Variants in SGCZ observed in about 807,000 individuals in gnomAD.
The protein encoded by SGCZ is sarcoglycan zeta, also known as zeta-sarcoglycan.
In SGCZ, 40 loss-of-function variants were observed where a neutral mutation model predicts 41.3. The ratio of observed to expected loss-of-function variants is 0.97; its 90% CI spans 0.75 to 1.26. The LOEUF (loss-of-function observed/expected upper bound fraction) is 1.26, where lower values mean the gene tolerates loss of function less well. SGCZ is among the 50% of genes most tolerant of loss of function. The probability of loss-of-function intolerance (pLI) is 0.00; values close to 1 mark genes in which losing one functional copy is unlikely to be tolerated. For missense variants in SGCZ, 552 were observed against 369.8 expected, an observed-to-expected ratio of 1.49 and a Z score of -4.04; for synonymous variants, 206 against 137.5, an observed-to-expected ratio of 1.50 and a Z score of -3.49.
chr8:14,457,348 G>C (rs1458413124), intron 2 of SGCZ, among the ~76,000 whole-genome samples: 1 of 152,198 alleles, frequency 6.6e-6, no homozygotes, highest in African/African-American at 2.4e-5. Flanking sequence ...CGTCTGGGAA[G>C]ATGCCTGTTA....
intron 2 of SGCZ, among the ~76,000 whole-genome samples, chr8:14,415,840 C>G (rs1298869618): frequency 6.6e-6 from 1 of 151,920 alleles, no homozygotes; most frequent in Non-Finnish European, 1.5e-5. Flanking sequence ...GCATTGAATA[C>G]ACATAACTTG....
intron 2 of SGCZ, among the ~76,000 whole-genome samples, chr8:14,335,465 C>T (rs1432254161): frequency 6.6e-6 from 1 of 152,032 alleles, no homozygotes; most frequent in Non-Finnish European, 1.5e-5. Context: ...CTGGTAATCA[C>T]CCATTTGGAA....
intron 1 of SGCZ, among the ~76,000 whole-genome samples, chr8:14,561,986 A>T (rs1011604520): frequency 6.6e-6 from 1 of 152,130 alleles, no homozygotes; most frequent in African/African-American, 2.4e-5. Flanking sequence ...GCATGTAGAC[A>T]ACAGAAGGGA....
intron 3 of SGCZ, among the ~76,000 whole-genome samples, chr8:14,248,484 C>A (rs1176867316): frequency 2.6e-5 from 4 of 151,584 alleles, no homozygotes; most frequent in African/African-American, 9.7e-5. Flanking sequence ...GGGAACTAAG[C>A]CTCTATTAAA....
At chr8:14,338,270 C>A (rs926405612) in intron 2 of SGCZ, among the ~76,000 whole-genome samples, 2 of 152,142 alleles carry the variant, frequency 1.3e-5, no homozygotes, top group African/African-American at 4.8e-5. Flanking sequence ...CTTCTGGTCT[C>A]ATTTCAATGA....
rs922521255 is a variant in SGCZ at position 14,781,611 on chromosome 8, C to G, written c.40-226685G>C. Among the ~76,000 whole-genome samples, 5 of 152,110 alleles carry G rather than the reference C, an allele frequency of 3.3e-5. 1 individual carries two copies. The highest frequency in any genetic ancestry group is 2.0e-4 in the Admixed American group (3 of 15,270). ...TAAAAATTGTTTGGGTTATTCTTAT[C>G]CATTCATTTCTAATAACATAATATA... is the stretch of plus-strand genomic sequence containing the variant. On this transcript the variant is annotated intron_variant, in intron 1 of 7. Coordinates refer to ENST00000382080, the MANE Select transcript of SGCZ (RefSeq NM_139167.4).
chr8:14,459,719 G>T lies in SGCZ; in HGVS notation c.234+95013C>A, dbSNP rs540700174. Among the ~76,000 whole-genome samples the T allele has an allele frequency of 3.7e-4, 56 of 152,244 alleles. No homozygotes were observed. In the South Asian group the frequency reaches 5.4e-3, roughly 15 times the overall value. On this transcript the variant is annotated intron_variant, in intron 2 of 7. Coordinates refer to ENST00000382080, the MANE Select transcript of SGCZ (RefSeq NM_139167.4). ...ACTAGTAATAAAACATGTATATTTT[G>T]TAAGTCCTAATATGATACACTGAAA...
chr8:14,328,618 A>G (rs1802205699), intron 2 of SGCZ, among the ~76,000 whole-genome samples: 1 of 152,098 alleles, frequency 6.6e-6, no homozygotes, highest in Admixed American at 6.6e-5. Context: ...TCTTATAAAA[A>G]CTCATGTTAT....
chr8:14,893,172 T>C (rs764394244), intron 1 of SGCZ, among the ~76,000 whole-genome samples: 1 of 151,984 alleles, frequency 6.6e-6, no homozygotes, highest in South Asian at 2.1e-4. Flanking sequence ...ATCTTTCCAG[T>C]TGGGGTTCAC....
Position 14,604,440 on chromosome 8 carries a change from A to T in SGCZ, c.40-49514T>A, listed in dbSNP as rs576003075. On this transcript the variant is annotated intron_variant, in intron 1 of 7. Transcript: ENST00000382080. ...GCCATGATTTTTTTTTTATCTGTGC[A>T]CTAGAGCTTGAAATATGTATTCATT... 1.2e-4 allele frequency among the ~76,000 whole-genome samples: 19 copies of T among 152,212 alleles called. No homozygotes were observed. In the South Asian group the frequency reaches 2.9e-3, roughly 23 times the overall value.
chr8:14,146,793 A>C (rs1585177453), intron 5 of SGCZ, among the ~76,000 whole-genome samples: 1 of 142,958 alleles, frequency 7.0e-6, no homozygotes, highest in Non-Finnish European at 1.5e-5. Context: ...AATGGCGTGA[A>C]CCCGGGAGGC....
intron 4 of SGCZ, among the ~76,000 whole-genome samples, chr8:14,199,327 AT>A (rs1805379737): frequency 1.3e-5 from 2 of 152,186 alleles, no homozygotes; most frequent in African/African-American, 4.8e-5. Flanking sequence ...TTCCTGCCTA[AT>A]AAATTTTGGT....
At chr8:14,308,553 T>A (rs1801420217) in intron 3 of SGCZ, among the ~76,000 whole-genome samples, 1 of 151,974 alleles carries the variant, frequency 6.6e-6, no homozygotes, top group Non-Finnish European at 1.5e-5. Context: ...CCCTTGCCCC[T>A]GGCCTTTATA....
At chr8:15,109,343 T>A (rs941902348) in intron 1 of SGCZ, among the ~76,000 whole-genome samples, 2 of 152,134 alleles carry the variant, frequency 1.3e-5, no homozygotes, top group African/African-American at 4.8e-5. Flanking sequence ...TGTTTCTAGA[T>A]GTCACTCGAG....
intron 1 of SGCZ, among the ~76,000 whole-genome samples, chr8:15,056,886 T>C (rs904544729): frequency 1.3e-5 from 2 of 152,266 alleles, no homozygotes; most frequent in East Asian, 1.9e-4. Flanking sequence ...CTCTGAGCTA[T>C]TGCTCACCGT....
intron 4 of SGCZ, among the ~76,000 whole-genome samples, chr8:14,222,689 T>C (rs1209682335): frequency 6.6e-6 from 1 of 152,082 alleles, no homozygotes. Context: ...TACTGTTTTA[T>C]TGTATAAAGA....
intron 2 of SGCZ, among the ~76,000 whole-genome samples, chr8:14,551,335 C>A (rs1803802644): frequency 7.1e-6 from 1 of 139,902 alleles, no homozygotes; most frequent in African/African-American, 2.6e-5. Context: ...AGTCTATTAA[C>A]TAAACCACAA....
At chr8:14,923,054 G>A (rs28626277) in intron 1 of SGCZ, among the ~76,000 whole-genome samples, 3 of 152,042 alleles carry the variant, frequency 2.0e-5, no homozygotes, top group South Asian at 2.1e-4. Flanking sequence ...TTTTTAAAGG[G>A]CAATTACATG....
chr8:14,919,636 A>C (rs1267824988), intron 1 of SGCZ, among the ~76,000 whole-genome samples: 1 of 151,818 alleles, frequency 6.6e-6, no homozygotes, highest in Non-Finnish European at 1.5e-5. Context: ...TTAAAAATCA[A>C]GCTGGGTGCG....
Sources: allele counts gnomAD v4.1 joint callset (sites outside exome capture counted in the v4.1 genomes callset), GRCh38; gene constraint gnomAD v4.1.1; transcripts MANE v1.5; gene names NCBI Gene and HGNC (gene_info 2026-07-23, HGNC 2026-07-21).